Variants in RBM6 observed in about 807,000 individuals in gnomAD.
RBM6 encodes the protein RNA binding motif protein 6.
Under a neutral mutation model 140.4 loss-of-function variants are expected in RBM6, and 23 were observed. The ratio of observed to expected loss-of-function variants is 0.16; its 90% CI spans 0.12 to 0.23. The LOEUF (loss-of-function observed/expected upper bound fraction) is 0.23, where lower values mean the gene tolerates loss of function less well. Ranked by LOEUF, RBM6 falls within the 10% of genes least tolerant of loss-of-function variation. The pLI is 1.00. For missense variants in RBM6, 1,139 were observed against 1,386.7 expected (o/e 0.82, Z 2.84); for synonymous variants, 439 against 475.6 (o/e 0.92, Z 1.00).
intron 6 of RBM6, among the ~76,000 whole-genome samples, chr3:50,012,216 A>C (rs1388196136): frequency 6.6e-6 from 1 of 151,496 alleles, no homozygotes; most frequent in African/African-American, 2.4e-5. Flanking sequence ...TTAATTTTTT[A>C]ATTTTTATTT....
At chr3:50,061,379 C>G (rs2089936600) in intron 13 of RBM6, 83 bp from the exon 14 acceptor site, 2 of 1,578,624 alleles carry the variant, frequency 1.3e-6, no homozygotes, top group African/African-American at 1.4e-5. Flanking sequence ...GTTGGTCACC[C>G]TAATTCTTGG....
intron 5 of RBM6, among the ~76,000 whole-genome samples, chr3:49,996,725 C>T (rs1490499130): frequency 6.6e-6 from 1 of 152,140 alleles, no homozygotes; most frequent in African/African-American, 2.4e-5. Flanking sequence ...CTTAACTAGG[C>T]TTATTTCTTA....
chr3:49,943,795 A>G (rs570419879), intron 1 of RBM6, among the ~76,000 whole-genome samples: 5 of 152,152 alleles, frequency 3.3e-5, no homozygotes, highest in Admixed American at 6.6e-5. Flanking sequence ...AGGACCCACC[A>G]TACTGTTTTC....
At chr3:50,072,174 G>A (rs1241199216) in intron 19 of RBM6, among the ~76,000 whole-genome samples, 1 of 150,936 alleles carries the variant, frequency 6.6e-6, no homozygotes, top group Non-Finnish European at 1.5e-5. Flanking sequence ...TTGGGAGGCT[G>A]AGGCAGGTGG....
intron 6 of RBM6, among the ~76,000 whole-genome samples, chr3:50,034,450 G>A (rs2088386732): frequency 1.3e-5 from 2 of 152,042 alleles, no homozygotes; most frequent in South Asian, 4.2e-4. Context: ...CCATTCTGCA[G>A]TTTTCCTGAT....
At position 50,055,254 on chromosome 3, in the gene RBM6, CCT is replaced by C. The variant is rs1226349689; in HGVS notation, c.1693+860_1693+861del. Among the ~76,000 whole-genome samples, 36 of 152,130 alleles carry C rather than the reference CCT, an allele frequency of 2.4e-4. 1 individual carries two copies. Among genetic ancestry groups the C allele is most frequent in the Admixed American group, 2.4e-3 (36 of 15,282 alleles). ...ACCAGCCTGACCAACATGCCGAAAC[CCT>C]GTCTCTACTAAAATTACAAAAATTA... On this transcript the variant is annotated intron_variant, in intron 8 of 20. Transcript: ENST00000266022.
chr3:49,995,391 A>G (rs966763445), intron 5 of RBM6, among the ~76,000 whole-genome samples: 3 of 152,096 alleles, frequency 2.0e-5, no homozygotes, highest in African/African-American at 7.2e-5. Flanking sequence ...CTCCGTCTCT[A>G]CTGAAAATAC....
chr3:50,055,061 A>T (rs904031827), intron 8 of RBM6, among the ~76,000 whole-genome samples: 2 of 152,142 alleles, frequency 1.3e-5, no homozygotes, highest in African/African-American at 4.8e-5. Context: ...TGACCTCGTG[A>T]TCTGTCTGCC....
intron 6 of RBM6, among the ~76,000 whole-genome samples, chr3:50,005,495 CAA>C (rs35202304): frequency 3.5e-4 from 35 of 101,300 alleles, no homozygotes; most frequent in Admixed American, 5.2e-4. Flanking sequence ...GATCCTGCCT[CAA>C]AAAAAAAAAA....
At chr3:49,983,458 G>GAA (rs143088072) in intron 5 of RBM6, among the ~76,000 whole-genome samples, 5 of 147,770 alleles carry the variant, frequency 3.4e-5, no homozygotes, top group Non-Finnish European at 7.5e-5. Flanking sequence ...TCAAAAAAAG[G>GAA]AAAAAAAAAA....
intron 19 of RBM6, 118 bp downstream of exon 19, chr3:50,070,670 C>A: frequency 1.4e-6 from 1 of 734,974 alleles, no homozygotes; most frequent in South Asian, 1.6e-5. Context: ...TAGATTCTGT[C>A]TGAACTGCTA....
intron 15 of RBM6, 36 bp from the exon 16 acceptor site, chr3:50,064,995 T>A (rs2090071231): frequency 6.5e-7 from 1 of 1,540,354 alleles, no homozygotes; most frequent in African/African-American, 1.4e-5. Flanking sequence ...TTATTATGAG[T>A]GAATATCATG....
rs545085738 is a variant in RBM6, at chr3:50,041,131, T to C, written c.1558-7114T>C. On this transcript the variant is annotated intron_variant, in intron 6 of 20. Coordinates refer to ENST00000266022, the MANE Select transcript of RBM6 (RefSeq NM_005777.3). ...GTCAAGAACATTTTAGTAAAAGTTTTTGTTGTGCTTTCATCTAGTCAAGAA... is the reference window on the plus strand; with the variant it reads ...GTCAAGAACATTTTAGTAAAAGTTTCTGTTGTGCTTTCATCTAGTCAAGAA... 3.3e-5 allele frequency among the ~76,000 whole-genome samples: 5 copies of C among 152,340 alleles called. No individual in the cohort carries two copies. The South Asian group carries it at 1.0e-3, about 32-fold the overall frequency.
chr3:50,054,267 A>G, intron 7 of RBM6, 68 bp from the exon 8 acceptor site: 1 of 1,316,030 alleles, frequency 7.6e-7, no homozygotes, highest in Non-Finnish European at 1.1e-6. Context: ...GGGGGGTTTC[A>G]CTTTGTTAGA....
chr3:50,018,290 G>T (rs888978114), intron 6 of RBM6, among the ~76,000 whole-genome samples: 1 of 152,124 alleles, frequency 6.6e-6, no homozygotes, highest in Non-Finnish European at 1.5e-5. Flanking sequence ...AGCCTTTTCA[G>T]ATTGGCTTCT....
intron 5 of RBM6, among the ~76,000 whole-genome samples, chr3:49,979,414 A>T (rs2085201067): frequency 6.9e-6 from 1 of 145,666 alleles, no homozygotes; most frequent in Non-Finnish European, 1.5e-5. Context: ...GATGCATTTT[A>T]TTTGATGTGT....
intron 7 of RBM6, among the ~76,000 whole-genome samples, chr3:50,051,998 G>A (rs1452212546): frequency 6.6e-6 from 1 of 152,208 alleles, no homozygotes; most frequent in African/African-American, 2.4e-5. Context: ...TTAGATTATG[G>A]TGATGGTTGC....
intron 11 of RBM6, among the ~76,000 whole-genome samples, chr3:50,060,288 A>G (rs2089883497): frequency 6.6e-6 from 1 of 152,128 alleles, no homozygotes; most frequent in Non-Finnish European, 1.5e-5. Context: ...TTTCCATAGC[A>G]CTGGGAAATC....
intron 16 of RBM6, among the ~76,000 whole-genome samples, chr3:50,065,932 A>G (rs1243349447): frequency 6.6e-6 from 1 of 152,156 alleles, no homozygotes; most frequent in Non-Finnish European, 1.5e-5. Context: ...ATTTGGAGGT[A>G]TTTATCTCTT....
Sources: allele counts gnomAD v4.1 joint callset (sites outside exome capture counted in the v4.1 genomes callset), GRCh38; gene constraint gnomAD v4.1.1; transcripts MANE v1.5; gene names NCBI Gene and HGNC (gene_info 2026-07-23, HGNC 2026-07-21).